Variants in ARHGEF6 observed in about 807,000 individuals in gnomAD.
ARHGEF6 encodes the protein rho guanine nucleotide exchange factor 6.
Under a neutral mutation model 70.3 loss-of-function variants are expected in ARHGEF6, and 9 were observed. The observed-to-expected ratio is 0.13, with a 90% confidence interval of 0.08 to 0.22. ARHGEF6 has a LOEUF of 0.22. ARHGEF6 is among the 10% of genes least tolerant of loss of function. The probability of loss-of-function intolerance (pLI) is 1.00; values close to 1 mark genes in which losing one functional copy is unlikely to be tolerated. For synonymous variants in ARHGEF6, 201 were observed against 207.8 expected (o/e 0.97, Z 0.28); for missense variants, 470 against 563.0 (o/e 0.83, Z 1.67).
At chrX:136,727,827 C>A (rs771005960) in intron 6 of ARHGEF6, among the ~76,000 whole-genome samples, 44 of 111,486 alleles carry the variant, frequency 3.9e-4, no homozygotes, top group African/African-American at 1.2e-3. Flanking sequence ...AGCCACCACA[C>A]CCGTATGTCT....
chrX:136,685,852 AT>A lies in ARHGEF6; in HGVS notation c.1246-30del, dbSNP rs1569393287. The A allele has an allele frequency of 3.3e-6, 4 of 1,204,369 alleles. No homozygotes were observed. The South Asian group carries it at 7.1e-5, about 21-fold the overall frequency. On this transcript the variant is annotated intron_variant, in intron 11 of 21. Coordinates refer to ENST00000250617, the MANE Select transcript of ARHGEF6 (RefSeq NM_004840.3). The stretch of plus-strand genomic sequence containing the variant: ...CAGAACCAAAGCAGAACATAATGGA[AT>A]AGGAATTCTTATGAAATAGACTAAA...
At position 136,707,005 on chromosome X, in the gene ARHGEF6, C is replaced by T; in HGVS notation, c.949G>A (p.Gly317Arg). 1 of 1,211,270 alleles carries T rather than the reference C, an allele frequency of 8.3e-7. No homozygotes were observed. Among genetic ancestry groups the T allele is most frequent in the Non-Finnish European group, 1.1e-6 (1 of 894,937 alleles). Residue 317 changes from glycine (G) to arginine (R), a missense_variant, in exon 9 of 22, where the codon GGA becomes AGA. By Grantham distance (125) the Gly-to-Arg change is moderately radical. Coordinates refer to ENST00000250617, the MANE Select transcript of ARHGEF6 (RefSeq NM_004840.3). ...GGCATGAGACTCAGTAGACAACCTC[C>T]TACTTTGTGCTGGTTTTCTGGAAAC... is the stretch of plus-strand genomic sequence containing the variant. ...SKFPENQHKVGGCLLSLMPHF... is the reference protein window; with the variant it reads ...SKFPENQHKVRGCLLSLMPHF...
At chrX:136,698,630 A>C (rs1293871685) in intron 9 of ARHGEF6, among the ~76,000 whole-genome samples, 1 of 112,137 alleles carries the variant, frequency 8.9e-6, no homozygotes, top group South Asian at 3.7e-4. Flanking sequence ...AAGAAACAGA[A>C]CTGCCAACCA....
intron 11 of ARHGEF6, 28 bp downstream of exon 11, chrX:136,687,901 TGGA>T: frequency 4.3e-6 from 5 of 1,156,816 alleles, no homozygotes; most frequent in Non-Finnish European, 5.9e-6. Context: ...GTATACAAAA[TGGA>T]GAATTGTGAT....
chrX:136,763,346 C>T (rs747375401), intron 2 of ARHGEF6, among the ~76,000 whole-genome samples: 2 of 112,297 alleles, frequency 1.8e-5, no homozygotes, highest in African/African-American at 6.5e-5. Flanking sequence ...AGCAATTAGG[C>T]TTTGAGCAAG....
rs1351691977 is a variant in ARHGEF6, at chrX:136,708,784, A to T, written c.828-14T>A. The T allele has an allele frequency of 8.9e-7, 1 of 1,118,682 alleles. No homozygotes were observed. The highest frequency in any genetic ancestry group is 3.0e-5 in the East Asian group (1 of 32,845). 92.2% of individuals were successfully genotyped at this position (1,118,682 alleles called of 1,213,427 possible). On this transcript the variant is annotated splice_polypyrimidine_tract_variant and intron_variant, in intron 7 of 21. Transcript: ENST00000250617. The stretch of plus-strand genomic sequence containing the variant: ...ACAGTACTCAGACTGAAAAAAAAAT[A>T]CAGTACATGTAGTTATCTATTGTAG...
chrX:136,675,791 A>G (rs2076276509), intron 18 of ARHGEF6, among the ~76,000 whole-genome samples: 1 of 110,932 alleles, frequency 9.0e-6, no homozygotes, highest in South Asian at 3.8e-4. Flanking sequence ...AAGTGCTGGG[A>G]TTACAGGCAT....
intron 11 of ARHGEF6, among the ~76,000 whole-genome samples, chrX:136,686,631 T>TATATACACAC (rs2076397086): frequency 1.3e-5 from 1 of 76,293 alleles, no homozygotes; most frequent in African/African-American, 7.2e-5. Flanking sequence ...TACACATATA[T>TATATACACAC]ATATATATAT....
chrX:136,764,523 A>C (rs889101368), intron 2 of ARHGEF6, among the ~76,000 whole-genome samples: 13 of 112,174 alleles, frequency 1.2e-4, no homozygotes, highest in African/African-American at 4.2e-4. Flanking sequence ...GAAACCTCAT[A>C]CAAACAAGTA....
At chrX:136,751,456 T>C (rs1412050243) in intron 2 of ARHGEF6, among the ~76,000 whole-genome samples, 2 of 112,127 alleles carry the variant, frequency 1.8e-5, no homozygotes, top group African/African-American at 6.5e-5. Context: ...ACTGATTTAC[T>C]GAGCTCCTGC....
chrX:136,768,983 A>T lies in ARHGEF6; in HGVS notation c.249+10431T>A, dbSNP rs753439828. Among the ~76,000 whole-genome samples, 13 of 108,260 alleles carry T rather than the reference A, an allele frequency of 1.2e-4. No individual in the cohort carries two copies. In the South Asian group the frequency reaches 5.5e-3, roughly 46 times the overall value. The allele number at this position is 108,260 out of a possible 115,157, so 94.0% of individuals were successfully genotyped here. ...GAAAGAAAGAGAGAGGGGGAGAAAG[A>T]GAGGGAGAGAGAGTAAGAGAGGGGG... On this transcript the variant is annotated intron_variant, in intron 2 of 21. Coordinates refer to ENST00000250617, the MANE Select transcript of ARHGEF6 (RefSeq NM_004840.3).
intron 12 of ARHGEF6, among the ~76,000 whole-genome samples, chrX:136,683,353 A>G (rs1285323492): frequency 9.2e-6 from 1 of 108,667 alleles, no homozygotes; most frequent in East Asian, 2.8e-4. Context: ...ATAAAAGTAG[A>G]TACACTTTCT....
chrX:136,747,684 GAAAA>G (rs140379962), intron 2 of ARHGEF6, 92 bp from the exon 3 acceptor site: 117 of 125,836 alleles, frequency 9.3e-4, no homozygotes, highest in Middle Eastern at 5.7e-3. Flanking sequence ...CAGCTCTCCG[GAAAA>G]AAAAAAAAAA....
At chrX:136,727,375 TTCTTTCTTTCTTTCTTTCTTTC>T (rs2076872236) in intron 6 of ARHGEF6, among the ~76,000 whole-genome samples, 9 of 61,351 alleles carry the variant, frequency 1.5e-4, no homozygotes, top group Non-Finnish European at 2.4e-4. Context: ...CTTTCTTTCT[TTCTTTCTTTCTTTCTTTCTTTC>T]TCTCTCTCTC....
chrX:136,709,920 C>T (rs994383875), intron 7 of ARHGEF6, among the ~76,000 whole-genome samples: 1 of 111,280 alleles, frequency 9.0e-6, no homozygotes, highest in Non-Finnish European at 1.9e-5. Context: ...GAGCTGAGAT[C>T]GTGCCACTGC....
At chrX:136,757,758 A>G (rs1010634151) in intron 2 of ARHGEF6, among the ~76,000 whole-genome samples, 2 of 111,409 alleles carry the variant, frequency 1.8e-5, no homozygotes, top group Non-Finnish European at 3.8e-5. Flanking sequence ...GTTAAATTCC[A>G]CTCTTTCACA....
chrX:136,753,288 T>C (rs2077171702), intron 2 of ARHGEF6, among the ~76,000 whole-genome samples: 1 of 112,266 alleles, frequency 8.9e-6, no homozygotes. Flanking sequence ...TGAAACAACA[T>C]ACAGTGTATT....
chrX:136,711,944 C>T (rs971745973), intron 7 of ARHGEF6, among the ~76,000 whole-genome samples: 1 of 112,541 alleles, frequency 8.9e-6, no homozygotes, highest in Non-Finnish European at 1.9e-5. Context: ...TTTTTTCATA[C>T]TGAAGTAGAT....
At chrX:136,730,147 ATCAG>A (rs1221567978) in intron 6 of ARHGEF6, among the ~76,000 whole-genome samples, 5 of 111,152 alleles carry the variant, frequency 4.5e-5, no homozygotes, top group Non-Finnish European at 9.4e-5. Context: ...TGAAGTAAAA[ATCAG>A]TCATTAGTAT....
Sources: allele counts gnomAD v4.1 joint callset (sites outside exome capture counted in the v4.1 genomes callset), GRCh38; gene constraint gnomAD v4.1.1; transcripts MANE v1.5; gene names NCBI Gene and HGNC (gene_info 2026-07-23, HGNC 2026-07-21).